Variants in DMTF1 observed in about 807,000 individuals in gnomAD.
DMTF1 encodes cyclin D binding myb like transcription factor 1, also known as cyclin-D-binding Myb-like transcription factor 1.
Under a neutral mutation model 91.1 loss-of-function variants are expected in DMTF1, and 39 were observed. That is an observed-to-expected ratio of 0.43 (90% CI 0.33 to 0.56). DMTF1 has a LOEUF of 0.56. Among genes scored for constraint, DMTF1 ranks in the 20% least tolerant of loss-of-function variants. DMTF1 has a pLI of 0.05. For missense variants in DMTF1, 750 were observed against 914.5 expected (o/e 0.82, Z 2.32); for synonymous variants, 338 against 309.5 (o/e 1.09, Z -0.97).
chr7:87,163,091 TTAA>T (rs1197567032), intron 1 of DMTF1: 4 of 151,934 alleles, frequency 2.6e-5, no homozygotes, highest in African/African-American at 9.7e-5. Flanking sequence ...TAAAGAGGTG[TTAA>T]TAATTATAAA....
chr7:87,170,956 C>T (rs768453100), intron 4 of DMTF1, 39 bp from the exon 5 acceptor site: 8 of 1,306,936 alleles, frequency 6.1e-6, no homozygotes, highest in African/African-American at 1.5e-5. Flanking sequence ...TAGAACTTGC[C>T]GTTATTATTC....
intron 7 of DMTF1, 100 bp downstream of exon 7, chr7:87,174,769 T>C (rs911310053): frequency 2.9e-5 from 19 of 662,692 alleles, no homozygotes; most frequent in Non-Finnish European, 4.8e-5. Context: ...AGCTTTTTAC[T>C]TATTTTTGTA....
intron 4 of DMTF1, among the ~76,000 whole-genome samples, chr7:87,167,722 G>A (rs1794150388): frequency 6.6e-6 from 1 of 152,162 alleles, no homozygotes; most frequent in South Asian, 2.1e-4. Flanking sequence ...GCATAGACAA[G>A]CATAACATTT....
intron 7 of DMTF1, among the ~76,000 whole-genome samples, chr7:87,175,366 AC>A (rs1320212755): frequency 6.6e-6 from 1 of 152,054 alleles, no homozygotes; most frequent in African/African-American, 2.4e-5. Context: ...AGTAGTCCTT[AC>A]CTTTTAAAAA....
At chr7:87,168,485 A>T (rs1794335659) in intron 4 of DMTF1, among the ~76,000 whole-genome samples, 1 of 152,012 alleles carries the variant, frequency 6.6e-6, no homozygotes. Context: ...CTTTTGCCTC[A>T]CTGGGCCCCA....
At chr7:87,187,780 TAATC>T in intron 12 of DMTF1, 1 of 327,642 alleles carries the variant, frequency 3.1e-6, no homozygotes, top group East Asian at 6.9e-5. Context: ...TCCTAAATAA[TAATC>T]CTATCAAGAC....
At chr7:87,157,846 G>GT (rs199764964) in intron 1 of DMTF1, among the ~76,000 whole-genome samples, 7,177 of 143,522 alleles carry the variant, frequency 0.05, 233 homozygotes, top group African/African-American at 0.09. Context: ...AAGGTTATGT[G>GT]TTTTTTTTTT....
chr7:87,189,051 T>C (rs1430253714), intron 13 of DMTF1, among the ~76,000 whole-genome samples: 2 of 152,192 alleles, frequency 1.3e-5, no homozygotes, highest in Non-Finnish European at 2.9e-5. Flanking sequence ...CAGGTGATTA[T>C]TGGCATTTTG....
At position 87,166,556 on chromosome 7, in the gene DMTF1, T is replaced by A; in HGVS notation, c.183T>A (p.Asp61Glu). Residue 61 changes from aspartate (D) to glutamate (E), a missense_variant, in exon 4 of 18, where the codon GAT becomes GAA. Physicochemically the swap from Asp to Glu is conservative, Grantham distance 45. This residue lies in a region of DMTF1 where 150 missense variants were observed against 150.4 expected (regional missense o/e 1.00). Coordinates refer to ENST00000331242, the MANE Select transcript of DMTF1 (RefSeq NM_001142327.2). Reference protein sequence around the residue: ...HKRLCLSSEDDQSIDDSTPCI... With the variant: ...HKRLCLSSEDEQSIDDSTPCI... ...GGCTTTGTTTGTCCTCTGAGGATGATCAGAGTATTGATGATTCTACTCCTT... is the reference window on the plus strand; with the variant it reads ...GGCTTTGTTTGTCCTCTGAGGATGAACAGAGTATTGATGATTCTACTCCTT... 1.2e-6 allele frequency: 2 copies of A among 1,613,224 alleles called. No individual in the cohort carries two copies. Among genetic ancestry groups the A allele is most frequent in the Non-Finnish European group, 1.7e-6 (2 of 1,179,316 alleles).
chr7:87,180,684 G>C (rs1421784066), intron 8 of DMTF1, among the ~76,000 whole-genome samples: 1 of 152,060 alleles, frequency 6.6e-6, no homozygotes, highest in African/African-American at 2.4e-5. Context: ...TATGATTTGA[G>C]AGTGCCAAAA....
At chr7:87,156,325 A>G (rs541677795) in intron 1 of DMTF1, among the ~76,000 whole-genome samples, 44 of 152,316 alleles carry the variant, frequency 2.9e-4, no homozygotes, top group African/African-American at 1.0e-3. Context: ...ATTGTTTTCA[A>G]TAGTTGGTAA....
At position 87,186,064 on chromosome 7, in the gene DMTF1, C is replaced by T. The variant is rs1332100163; in HGVS notation, c.1201+84C>T. 4.1e-6 allele frequency: 6 copies of T among 1,458,682 alleles called. No individual in the cohort carries two copies. In the Admixed American group the frequency reaches 5.2e-5, roughly 13 times the overall value. 90.4% of individuals were successfully genotyped at this position (1,458,682 alleles called of 1,614,324 possible). On this transcript the variant is annotated intron_variant, in intron 12 of 17. Transcript: ENST00000331242. Reference sequence around the variant, plus strand: ...GAGTGAGAGGTTAGAAGTTCTTTGCCCCAGCTAGAGATATCATAGCAGATT... The same window carrying T: ...GAGTGAGAGGTTAGAAGTTCTTTGCTCCAGCTAGAGATATCATAGCAGATT...
chr7:87,195,449 G>A lies in DMTF1; in HGVS notation c.*309G>A, dbSNP rs2129211630. The A allele has an allele frequency of 4.2e-6, 1 of 238,392 alleles. No homozygotes were observed. The highest frequency in any genetic ancestry group is 2.3e-5 in the African/African-American group (1 of 43,860). The allele number at this position is 238,392 out of a possible 1,614,324, so 14.8% of individuals were successfully genotyped here. A position where few individuals can be genotyped will look rare whatever the true frequency, so the allele number is the denominator to read the frequency against. On this transcript the variant is annotated 3_prime_UTR_variant, in exon 18 of 18. Coordinates refer to ENST00000331242, the MANE Select transcript of DMTF1 (RefSeq NM_001142327.2). ...CTAAGAAAAGTTTAGAATCACGAAA[G>A]CTTAACTGCTGTGGTTTAAAGTACA...
chr7:87,164,366 G>A (rs1793302318), intron 2 of DMTF1: 1 of 152,146 alleles, frequency 6.6e-6, no homozygotes, highest in Non-Finnish European at 1.5e-5. Context: ...AAAGTTACCT[G>A]TTTCAAAAGA....
intron 4 of DMTF1, among the ~76,000 whole-genome samples, chr7:87,168,172 C>A (rs554811780): frequency 6.6e-6 from 1 of 152,232 alleles, no homozygotes; most frequent in South Asian, 2.1e-4. Context: ...TTGTAAAAAT[C>A]CTCACAGCAT....
intron 1 of DMTF1, among the ~76,000 whole-genome samples, chr7:87,161,725 G>A (rs1234364015): frequency 6.6e-6 from 1 of 152,142 alleles, no homozygotes; most frequent in Non-Finnish European, 1.5e-5. Flanking sequence ...TGGATTAACT[G>A]GGGTCCTGAA....
chr7:87,160,763 G>GA (rs747869074), intron 1 of DMTF1, among the ~76,000 whole-genome samples: 11 of 152,134 alleles, frequency 7.2e-5, no homozygotes, highest in East Asian at 3.9e-4. Flanking sequence ...AATGCTCATT[G>GA]AAAAAACACT....
chr7:87,162,642 T>C (rs1199358326), intron 1 of DMTF1, among the ~76,000 whole-genome samples: 4 of 152,154 alleles, frequency 2.6e-5, no homozygotes, highest in African/African-American at 9.7e-5. Flanking sequence ...CTTTAAAAAA[T>C]TAATGGATTC....
chr7:87,176,571 G>A (rs753590351), intron 7 of DMTF1, among the ~76,000 whole-genome samples: 2 of 152,144 alleles, frequency 1.3e-5, no homozygotes, highest in African/African-American at 4.8e-5. Context: ...TTAAACTACA[G>A]TGGTAGAAAT....
Sources: gnomAD v4.1 joint callset for allele counts (sites outside exome capture counted in the v4.1 genomes callset) on GRCh38, gnomAD v4.1.1 for gene constraint, gnomAD v4.1.1 regional missense constraint, MANE v1.5 for transcripts, NCBI Gene and HGNC (gene_info 2026-07-23, HGNC 2026-07-21) for gene names.